Variants in PSMF1 observed in about 807,000 individuals in gnomAD.
The protein encoded by PSMF1 is proteasome inhibitor subunit 1.
PSMF1 carries 30 observed loss-of-function variants against 29.3 expected under a neutral mutation model. The ratio of observed to expected loss-of-function variants is 1.02; its 90% confidence interval spans 0.77 to 1.39. The LOEUF (loss-of-function observed/expected upper bound fraction) is 1.39, where lower values mean the gene tolerates loss of function less well. Among genes scored for constraint, PSMF1 ranks in the 40% most tolerant of loss-of-function variants. The pLI is 0.00. For synonymous variants in PSMF1, 134 were observed against 139.7 expected, an observed-to-expected ratio of 0.96 and a Z score of 0.29; for missense variants, 344 against 357.5, an observed-to-expected ratio of 0.96 and a Z score of 0.31.
At chr20:1,134,289 C>T (rs1329933053) in intron 3 of PSMF1, among the ~76,000 whole-genome samples, 1 of 152,080 alleles carries the variant, frequency 6.6e-6, no homozygotes, top group Non-Finnish European at 1.5e-5. Flanking sequence ...TTTTTATTTT[C>T]ATTTTAATTC....
rs1359217450 is a variant in PSMF1, at chr20:1,135,190, G to A, written c.435G>A (p.Gln145=). 2 of 1,614,170 alleles carry A rather than the reference G, an allele frequency of 1.2e-6. No individual in the cohort carries two copies. Among genetic ancestry groups the A allele is most frequent in the East Asian group, 2.2e-5 (1 of 44,870 alleles). The change falls in exon 4 of 7, where the codon CAG becomes CAA. Residue 145 remains glutamine (Q), a synonymous_variant. Transcript: ENST00000335877. ...GAATCATCACACCTATCCATGAGCA[G>A]TGGGAAAAGGCTAATGTAAGCAGTC... ...VSGIITPIHE[Q]WEKANVSSPH...
intron 4 of PSMF1, among the ~76,000 whole-genome samples, chr20:1,145,234 G>A (rs2086434963): frequency 6.6e-6 from 1 of 152,164 alleles, no homozygotes; most frequent in African/African-American, 2.4e-5. Flanking sequence ...TTAAAATTTA[G>A]ATGCTGAAGA....
In PSMF1 at chr20:1,162,226, G is replaced by A. The variant is rs570870292; in HGVS notation, c.552-904G>A. ...CTGTTACTTGTCTTGAGTTGGAAGC[G>A]GTTTGCATTTACACCTGTAAATTTA... On this transcript the variant is annotated intron_variant, in intron 4 of 6. Transcript: ENST00000335877. Among the ~76,000 whole-genome samples, 15 of 152,138 alleles carry A rather than the reference G, an allele frequency of 9.9e-5. No homozygotes were observed. The East Asian group carries it at 1.7e-3, about 18-fold the overall frequency.
rs1160303117 is a variant in PSMF1, at chr20:1,167,357, GAT to G, written c.*2281_*2282del. ...CTTTTTTAAATAGCAGCTTTATTGA[GAT>G]ATAATTTACATACCCATAATTTACA... On this transcript the variant is annotated 3_prime_UTR_variant, in exon 7 of 7. Transcript: ENST00000335877. 1 of 149,752 alleles carries G rather than the reference GAT, an allele frequency of 6.7e-6. No homozygotes were observed. The highest frequency in any genetic ancestry group is 1.5e-5 in the Non-Finnish European group (1 of 68,016). The allele number at this position is 149,752 out of a possible 1,614,324, so 9.3% of individuals were successfully genotyped here.
intron 4 of PSMF1, among the ~76,000 whole-genome samples, chr20:1,146,097 C>T (rs1474573662): frequency 6.6e-6 from 1 of 152,150 alleles, no homozygotes; most frequent in Non-Finnish European, 1.5e-5. Context: ...GAGGCATGCA[C>T]TTCCCCTGTG....
At chr20:1,122,145 C>G (rs1451604530) in intron 1 of PSMF1, among the ~76,000 whole-genome samples, 1 of 152,082 alleles carries the variant, frequency 6.6e-6, no homozygotes, top group Non-Finnish European at 1.5e-5. Context: ...GTCTTGTGGA[C>G]CTGGCTGGGA....
chr20:1,125,422 GCTT>G, intron 1 of PSMF1, 73 bp from the exon 2 acceptor site: 1 of 1,445,076 alleles, frequency 6.9e-7, no homozygotes, highest in Admixed American at 2.4e-5. Context: ...GGTAAGATTA[GCTT>G]ATCTCGTGAG....
At position 1,125,622 on chromosome 20, in the gene PSMF1, T is replaced by G; in HGVS notation, c.254T>G (p.Val85Gly). Residue 85 changes from valine to glycine, a missense_variant, in exon 2 of 7, where the codon GTG becomes GGG. Transcript: ENST00000335877. Reference protein sequence around the residue: ...SRKLLVKAITVESSMILNVLE... With the variant: ...SRKLLVKAITGESSMILNVLE... ...AAGCTCCTTGTGAAAGCCATCACCGTGGAGAGCAGCATGATCCTCAATGTG... is the reference window on the plus strand; with the variant it reads ...AAGCTCCTTGTGAAAGCCATCACCGGGGAGAGCAGCATGATCCTCAATGTG... 6.2e-7 allele frequency: 1 copy of G among 1,613,696 alleles called. No homozygotes were observed. Among genetic ancestry groups the G allele is most frequent in the Non-Finnish European group, 8.5e-7 (1 of 1,179,758 alleles).
At chr20:1,136,271 C>T (rs1017754073) in intron 4 of PSMF1, among the ~76,000 whole-genome samples, 3 of 152,060 alleles carry the variant, frequency 2.0e-5, no homozygotes, top group Admixed American at 6.6e-5. Flanking sequence ...TGCCTGAGTT[C>T]GCCAGCCACT....
rs187229865 is a variant in PSMF1, at chr20:1,127,634, A to T, written c.365+126A>T. On this transcript the variant is annotated intron_variant, in intron 3 of 6. Transcript: ENST00000335877. ...ATGGAAGAACCTTTTATTTCTGGGC[A>T]CAACTTCCTAATTTTCTTTTCTGTT... 5.0e-4 allele frequency: 377 copies of T among 751,704 alleles called. 2 individuals are homozygous for T. In the African/African-American group the frequency reaches 5.8e-3, roughly 12 times the overall value. The allele number at this position is 751,704 out of a possible 1,614,324, so 46.6% of individuals were successfully genotyped here.
intron 1 of PSMF1, among the ~76,000 whole-genome samples, chr20:1,120,933 A>T (rs1041220288): frequency 1.3e-5 from 2 of 152,128 alleles, no homozygotes; most frequent in Non-Finnish European, 2.9e-5. Flanking sequence ...CCATTCCACA[A>T]ATAAATATCA....
intron 4 of PSMF1, among the ~76,000 whole-genome samples, chr20:1,156,316 AGAG>A (rs1032973461): frequency 2.0e-5 from 3 of 152,190 alleles, no homozygotes; most frequent in African/African-American, 7.2e-5. Context: ...GAGAAGGAGA[AGAG>A]GAGGAGAAAG....
intron 1 of PSMF1, among the ~76,000 whole-genome samples, chr20:1,119,306 G>A (rs6039970): frequency 6.6e-6 from 1 of 152,114 alleles, no homozygotes; most frequent in Non-Finnish European, 1.5e-5. Flanking sequence ...GACTGACTCA[G>A]TTCCGCCCTC....
At chr20:1,154,490 A>C (rs763651936) in intron 4 of PSMF1, among the ~76,000 whole-genome samples, 5 of 152,184 alleles carry the variant, frequency 3.3e-5, no homozygotes, top group Non-Finnish European at 7.3e-5. Flanking sequence ...ACTTCTTTGC[A>C]GTTATCAGCA....
At chr20:1,129,695 G>T (rs1304419423) in intron 3 of PSMF1, among the ~76,000 whole-genome samples, 1 of 152,228 alleles carries the variant, frequency 6.6e-6, no homozygotes. Context: ...AACAAGCGTT[G>T]TCAAGGATGT....
intron 3 of PSMF1, among the ~76,000 whole-genome samples, chr20:1,130,637 GT>G (rs991915787): frequency 2.0e-5 from 3 of 151,882 alleles, no homozygotes; most frequent in Admixed American, 1.3e-4. Flanking sequence ...TTAGTAAAAT[GT>G]TTTTTTTGGA....
chr20:1,152,672 A>G (rs1201968594), intron 4 of PSMF1, among the ~76,000 whole-genome samples: 1 of 152,236 alleles, frequency 6.6e-6, no homozygotes. Flanking sequence ...AAACAGACCC[A>G]GAGAAGAAGC....
chr20:1,131,393 T>C (rs560443322), intron 3 of PSMF1, among the ~76,000 whole-genome samples: 8 of 152,314 alleles, frequency 5.3e-5, no homozygotes, highest in Middle Eastern at 3.4e-3. Context: ...TACTGTGAAA[T>C]GAGGGACACA....
intron 4 of PSMF1, among the ~76,000 whole-genome samples, chr20:1,154,901 T>C (rs950975835): frequency 6.6e-6 from 1 of 152,168 alleles, no homozygotes; most frequent in African/African-American, 2.4e-5. Context: ...CAGCCACAGG[T>C]ACAGATTAGC....
Sources: gnomAD v4.1 joint callset for allele counts (sites outside exome capture counted in the v4.1 genomes callset) on GRCh38, gnomAD v4.1.1 for gene constraint, MANE v1.5 for transcripts, NCBI Gene and HGNC (gene_info 2026-07-23, HGNC 2026-07-21) for gene names.